SGF29: variants seen among roughly 807,000 people sequenced by gnomAD.
SGF29 encodes SAGA complex associated factor 29, also known as SAGA-associated factor 29.
In SGF29, 15 loss-of-function variants were observed where a neutral mutation model predicts 38.1. That is an observed-to-expected ratio of 0.39 (90% CI 0.26 to 0.61). The LOEUF (loss-of-function observed/expected upper bound fraction) is 0.61. SGF29 is among the 20% of genes least tolerant of loss of function. SGF29 has a pLI of 0.49. For synonymous variants in SGF29, 151 were observed against 160.8 expected (o/e 0.94, Z 0.46); for missense variants, 184 against 394.6 (o/e 0.47, Z 4.52).
chr16:28,568,736 A>G (rs1424887732), intron 1 of SGF29, among the ~76,000 whole-genome samples: 2 of 152,076 alleles, frequency 1.3e-5, no homozygotes, highest in African/African-American at 4.8e-5. Context: ...AACATGGTGA[A>G]ACCCTGTCTG....
Position 28,565,099 on chromosome 16 carries a change from A to G in SGF29, c.-16+11002A>G, listed in dbSNP as rs114825377. ...GGAGGCCAAGTGTCCGGCGTGACAC[A>G]GAACAGAGCCAGCACGCGGACTCAG... On this transcript the variant is annotated intron_variant, in intron 1 of 9. Transcript: ENST00000317058. 4.8e-3 allele frequency among the ~76,000 whole-genome samples: 723 copies of G among 152,206 alleles called. 12 individuals are homozygous for G. Among genetic ancestry groups the G allele is most frequent in the African/African-American group, 0.016 (680 of 41,542 alleles).
chr16:28,559,961 A>G (rs1239383283), intron 1 of SGF29, among the ~76,000 whole-genome samples: 4 of 152,114 alleles, frequency 2.6e-5, no homozygotes, highest in African/African-American at 9.7e-5. Context: ...TGGCCTGGGC[A>G]TGGTGTCTTA....
rs751764694 is a variant in SGF29 at position 28,584,927 on chromosome 16, G to C, written c.90G>C (p.Arg30=). The C allele has an allele frequency of 1.9e-6, 3 of 1,613,360 alleles. No homozygotes were observed. The highest frequency in any genetic ancestry group is 2.5e-6 in the Non-Finnish European group (3 of 1,179,680). Residue 30 remains arginine, a synonymous_variant, in exon 3 of 10, where the codon CGG becomes CGC. Coordinates refer to ENST00000317058, the MANE Select transcript of SGF29 (RefSeq NM_138414.3). Reference sequence around the variant, plus strand: ...TTTCCTTACAGGAAGAGCGTTCGCGGAGCGAACACAACTTAGTGAACATCC... The same window carrying C: ...TTTCCTTACAGGAAGAGCGTTCGCGCAGCGAACACAACTTAGTGAACATCC... The part of the protein sequence containing the change: ...LIKQTQEERS[R]SEHNLVNIQK...
At chr16:28,560,877 C>T (rs1253884517) in intron 1 of SGF29, among the ~76,000 whole-genome samples, 3 of 149,230 alleles carry the variant, frequency 2.0e-5, no homozygotes, top group East Asian at 2.0e-4. Flanking sequence ...AGGAGAATGG[C>T]GTGAACCTGG....
intron 1 of SGF29, among the ~76,000 whole-genome samples, chr16:28,566,786 G>A (rs540803323): frequency 6.6e-6 from 1 of 152,152 alleles, no homozygotes; most frequent in Non-Finnish European, 1.5e-5. Flanking sequence ...CCCCATCTCA[G>A]CCTCCCAAGT....
rs1401024124 is a variant in SGF29, at chr16:28,560,086, A to G, written c.-16+5989A>G. ...AGAACCCCTTCTCTACTAAAAGTAC[A>G]AAAAAATTAGCTAGGCGTGGTGGTA... On this transcript the variant is annotated intron_variant, in intron 1 of 9. Transcript: ENST00000317058. Among the ~76,000 whole-genome samples the G allele has an allele frequency of 2.0e-5, 3 of 151,766 alleles. No individual in the cohort carries two copies. The East Asian group carries it at 5.8e-4, about 29-fold the overall frequency.
intron 4 of SGF29, 29 bp downstream of exon 4, chr16:28,585,749 G>A (rs1365937284): frequency 3.1e-6 from 5 of 1,602,936 alleles, no homozygotes; most frequent in East Asian, 4.5e-5. Flanking sequence ...CTTCATCGCC[G>A]CTCCCTCCTT....
intron 1 of SGF29, among the ~76,000 whole-genome samples, chr16:28,576,027 A>C (rs909212431): frequency 2.0e-5 from 3 of 152,354 alleles, no homozygotes; most frequent in African/African-American, 7.2e-5. Context: ...TGTTGGCGCA[A>C]ATGCAGAGTG....
rs1596604986 is a variant in SGF29, at chr16:28,580,720, T to C, written c.-15-335T>C. The stretch of plus-strand genomic sequence containing the variant: ...TTTAAAGGGATAGGGTGTCACACTG[T>C]CATGTAGGCTGGAGTGCAATGGCAC... On this transcript the variant is annotated intron_variant, in intron 1 of 9. Coordinates refer to ENST00000317058, the MANE Select transcript of SGF29 (RefSeq NM_138414.3). Among the ~76,000 whole-genome samples, 3 of 152,352 alleles carry C rather than the reference T, an allele frequency of 2.0e-5. No individual in the cohort carries two copies. The East Asian group carries it at 5.8e-4, about 29-fold the overall frequency.
At chr16:28,587,248 G>A (rs531612831) in intron 4 of SGF29, among the ~76,000 whole-genome samples, 18 of 152,316 alleles carry the variant, frequency 1.2e-4, no homozygotes, top group Non-Finnish European at 2.5e-4. Context: ...TGATTTGTGC[G>A]TGAAACAATT....
At position 28,565,497 on chromosome 16, in the gene SGF29, GT is replaced by G. The variant is rs2046830799; in HGVS notation, c.-16+11406del. 2.6e-5 allele frequency among the ~76,000 whole-genome samples: 4 copies of G among 151,928 alleles called. No individual in the cohort carries two copies. In the South Asian group the frequency reaches 8.3e-4, roughly 32 times the overall value. ...AGAAGTGACGATGGTAGGTATGGTAGTTTTTTGTTTTTTATTTTGAGACGGA... is the reference window on the plus strand; with the variant it reads ...AGAAGTGACGATGGTAGGTATGGTAGTTTTTGTTTTTTATTTTGAGACGGA... On this transcript the variant is annotated intron_variant, in intron 1 of 9. Coordinates refer to ENST00000317058, the MANE Select transcript of SGF29 (RefSeq NM_138414.3).
chr16:28,589,859 CT>C (rs2046977151), intron 5 of SGF29, among the ~76,000 whole-genome samples: 1 of 152,210 alleles, frequency 6.6e-6, no homozygotes, highest in African/African-American at 2.4e-5. Flanking sequence ...CGCTTTCTTT[CT>C]TCTGGTTCCT....
chr16:28,572,215 A>G (rs2151647045), intron 1 of SGF29, among the ~76,000 whole-genome samples: 1 of 151,666 alleles, frequency 6.6e-6, no homozygotes, highest in Non-Finnish European at 1.5e-5. Flanking sequence ...TGACCTTGTG[A>G]TCCACCTGCC....
intron 1 of SGF29, among the ~76,000 whole-genome samples, chr16:28,567,792 A>G (rs906729229): frequency 2.0e-5 from 3 of 152,182 alleles, no homozygotes; most frequent in Admixed American, 6.6e-5. Flanking sequence ...ACTGGGGGAA[A>G]GGTGATCTTT....
Position 28,553,990 on chromosome 16 carries a change from G to A in SGF29, c.-123G>A, listed in dbSNP as rs1232888094. The A allele has an allele frequency of 1.3e-5, 2 of 152,258 alleles. No individual in the cohort carries two copies. Among genetic ancestry groups the A allele is most frequent in the Non-Finnish European group, 2.9e-5 (2 of 68,036 alleles). 9.4% of individuals were successfully genotyped at this position (152,258 alleles called of 1,614,324 possible). A position where few individuals can be genotyped will look rare whatever the true frequency, so the allele number is the denominator to read the frequency against. ...GGTTCTCGACGTGCCGCCAATCTTCGAACGCAGGTCTGTGATCATCCGCAG... is the reference window on the plus strand; with the variant it reads ...GGTTCTCGACGTGCCGCCAATCTTCAAACGCAGGTCTGTGATCATCCGCAG... On this transcript the variant is annotated 5_prime_UTR_variant, in exon 1 of 10. Transcript: ENST00000317058.
At chr16:28,564,808 AAC>A (rs1161981851) in intron 1 of SGF29, among the ~76,000 whole-genome samples, 8 of 134,104 alleles carry the variant, frequency 6.0e-5, no homozygotes, top group South Asian at 2.3e-4. Flanking sequence ...CACACACACA[AAC>A]ACACACACAC....
At chr16:28,588,275 C>G (rs1383076037) in intron 4 of SGF29, among the ~76,000 whole-genome samples, 1 of 152,180 alleles carries the variant, frequency 6.6e-6, no homozygotes, top group African/African-American at 2.4e-5. Context: ...AGGGGTCTGT[C>G]TTTGGGTTCA....
chr16:28,575,760 T>C (rs1283307517), intron 1 of SGF29, among the ~76,000 whole-genome samples: 1 of 152,138 alleles, frequency 6.6e-6, no homozygotes, highest in Non-Finnish European at 1.5e-5. Context: ...CAACAGCATA[T>C]GAAAAGATAC....
chr16:28,576,117 G>A (rs941495460), intron 1 of SGF29, among the ~76,000 whole-genome samples: 7 of 152,050 alleles, frequency 4.6e-5, no homozygotes, highest in African/African-American at 1.7e-4. Flanking sequence ...GTTAAACAGA[G>A]TTTATGTTTA....
Sources: gnomAD v4.1 joint callset for allele counts (sites outside exome capture counted in the v4.1 genomes callset) on GRCh38, gnomAD v4.1.1 for gene constraint, MANE v1.5 for transcripts, NCBI Gene and HGNC (gene_info 2026-07-23, HGNC 2026-07-21) for gene names.